The following XAGE5 variants were observed in gnomAD, a reference collection of about 807,000 sequenced individuals.
XAGE5 encodes the protein X antigen family member 5, also known as G antigen, family D, 5.
A neutral mutation model predicts 13.1 loss-of-function variants in XAGE5; 13 were observed. The ratio of observed to expected loss-of-function variants is 0.99; its 90% CI spans 0.64 to 1.57. XAGE5 has a LOEUF of 1.57. Ranked by LOEUF, XAGE5 falls within the 40% of genes most tolerant of loss-of-function variation. XAGE5 has a pLI of 0.00. For missense variants in XAGE5, 86 were observed against 77.6 expected, an observed-to-expected ratio of 1.11 and a Z score of -0.41; for synonymous variants, 17 against 25.0, an observed-to-expected ratio of 0.68 and a Z score of 0.96.
rs782541517 is a variant in XAGE5, at chrX:52,811,351, C to A, written c.-242C>A. Among the ~76,000 whole-genome samples, 2 of 111,816 alleles carry A rather than the reference C, an allele frequency of 1.8e-5. No homozygotes were observed. Among genetic ancestry groups the A allele is most frequent in the African/African-American group, 6.5e-5 (2 of 30,792 alleles). ...ACTTCGGGTCCCTGAGGTCTGGATTCTTTCTCCCCTACTGAGACGCAGCCA... is the reference window on the plus strand; with the variant it reads ...ACTTCGGGTCCCTGAGGTCTGGATTATTTCTCCCCTACTGAGACGCAGCCA... On this transcript the variant is annotated 5_prime_UTR_variant, in exon 1 of 6. Transcript: ENST00000375501.
At chrX:52,817,648 ACTGGTCTTT>A (rs1457624864) in intron 5 of XAGE5, among the ~76,000 whole-genome samples, 7 of 112,394 alleles carry the variant, frequency 6.2e-5, no homozygotes, top group Non-Finnish European at 1.1e-4. Context: ...CAAATGCAAT[ACTGGTCTTT>A]CTATTCATTC....
chrX:52,812,525 C>T, intron 2 of XAGE5, 34 bp from the exon 3 acceptor site: 1 of 1,179,920 alleles, frequency 8.5e-7, no homozygotes, highest in South Asian at 1.8e-5. Context: ...CCATCCCCCT[C>T]AGCCTCCCAA....
chrX:52,815,273 A>G, intron 5 of XAGE5, 56 bp downstream of exon 5: 1 of 1,110,594 alleles, frequency 9.0e-7, no homozygotes, highest in Non-Finnish European at 1.2e-6. Flanking sequence ...ACAATATTAT[A>G]CTTTTGATAA....
intron 4 of XAGE5, 118 bp from the exon 5 acceptor site, chrX:52,814,974 T>G: frequency 1.2e-6 from 1 of 849,821 alleles, no homozygotes; most frequent in Non-Finnish European, 1.7e-6. Context: ...AAACAAACAT[T>G]TATTACCACA....
intron 4 of XAGE5, chrX:52,814,811 T>C: frequency 3.9e-6 from 1 of 259,572 alleles, no homozygotes; most frequent in Non-Finnish European, 6.9e-6. Context: ...AAAATTACAT[T>C]TAAGTTATGA....
chrX:52,816,719 ACACTTCTGAAC>A (rs1926912390), intron 5 of XAGE5, among the ~76,000 whole-genome samples: 1 of 112,042 alleles, frequency 8.9e-6, no homozygotes, highest in Non-Finnish European at 1.9e-5. Flanking sequence ...GTTTTACTCC[ACACTTCTGAAC>A]CACTCCATTA....
chrX:52,816,597 C>T (rs782137979), intron 5 of XAGE5, among the ~76,000 whole-genome samples: 1 of 112,297 alleles, frequency 8.9e-6, no homozygotes, highest in South Asian at 3.7e-4. Flanking sequence ...CGTACTAAGT[C>T]CTGAGTAGTC....
At chrX:52,812,266 T>C (rs1926812043) in intron 2 of XAGE5, 4 of 253,670 alleles carry the variant, frequency 1.6e-5, no homozygotes, top group Non-Finnish European at 2.8e-5. Flanking sequence ...TTCTGGTTTT[T>C]GCTTTGGTTT....
intron 5 of XAGE5, 78 bp downstream of exon 5, chrX:52,815,295 A>G (rs1926885886): frequency 9.6e-7 from 1 of 1,044,208 alleles, no homozygotes; most frequent in Admixed American, 2.9e-5. Context: ...AAAAGGAGAG[A>G]ATATTACTGC....
chrX:52,815,043 T>TTA, intron 4 of XAGE5, 49 bp from the exon 5 acceptor site: 1 of 1,202,483 alleles, frequency 8.3e-7, no homozygotes, highest in Non-Finnish European at 1.1e-6. Flanking sequence ...ATCTCCTTAT[T>TTA]TATCATTCTG....
At chrX:52,815,974 C>T (rs1246398663) in intron 5 of XAGE5, among the ~76,000 whole-genome samples, 5 of 111,382 alleles carry the variant, frequency 4.5e-5, no homozygotes, top group South Asian at 3.8e-4. Flanking sequence ...TTTTTTCGGA[C>T]GAGGTCTCGC....
intron 3 of XAGE5, 93 bp downstream of exon 3, chrX:52,812,731 C>T (rs192190805): frequency 1.3e-6 from 1 of 799,430 alleles, no homozygotes; most frequent in Non-Finnish European, 1.8e-6. Context: ...TGATAAAGGT[C>T]TCCCATGTTG....
chrX:52,813,198 C>T lies in XAGE5; in HGVS notation c.131C>T (p.Thr44Ile). 1 of 1,210,859 alleles carries T rather than the reference C, an allele frequency of 8.3e-7. No homozygotes were observed. Among genetic ancestry groups the T allele is most frequent in the Non-Finnish European group, 1.1e-6 (1 of 895,083 alleles). ...CCACCAACTGAAAGTCAGGATCATA[C>T]ACCTGGTCAGAAGAGAGAAGATGAT... ...EEPPTESQDHTPGQKREDDQG... is the reference protein window; with the variant it reads ...EEPPTESQDHIPGQKREDDQG... Residue 44 changes from threonine to isoleucine, a missense_variant, in exon 4 of 6, where the codon ACA becomes ATA. Thr to Ile is a moderately conservative substitution (Grantham distance 89, BLOSUM62 -1). Transcript: ENST00000375501.
At chrX:52,811,460 G>A (rs960263836) in intron 1 of XAGE5, among the ~76,000 whole-genome samples, 48 bp downstream of exon 1, 2 of 111,585 alleles carry the variant, frequency 1.8e-5, no homozygotes, top group Non-Finnish European at 3.8e-5. Context: ...GGGTCGGGGC[G>A]CGTGATTGGT....
chrX:52,816,026 C>T (rs1164660431), intron 5 of XAGE5, among the ~76,000 whole-genome samples: 1 of 111,954 alleles, frequency 8.9e-6, no homozygotes, highest in Non-Finnish European at 1.9e-5. Context: ...TCACTGTGAC[C>T]TCCGCCTCCC....
rs1556777262 is a variant in XAGE5, at chrX:52,811,302, C to T, written c.-291C>T. On this transcript the variant is annotated 5_prime_UTR_variant, in exon 1 of 6. Transcript: ENST00000375501. ...TGGGCACCTTGCCATTGGCCCTTCG[C>T]CCACCCGGGAGCTGTGATCCTGCAC... Among the ~76,000 whole-genome samples, 1 of 111,499 alleles carries T rather than the reference C, an allele frequency of 9.0e-6. No homozygotes were observed. Among genetic ancestry groups the T allele is most frequent in the Non-Finnish European group, 1.9e-5 (1 of 53,002 alleles).
chrX:52,812,633 A>C lies in XAGE5; in HGVS notation c.67A>C (p.Met23Leu). 2.5e-6 allele frequency: 3 copies of C among 1,211,036 alleles called. No individual in the cohort carries two copies. The highest frequency in any genetic ancestry group is 3.4e-6 in the Non-Finnish European group (3 of 895,147). ...ACGACTTGCTCAGCTGGTTGGGCCT[A>C]TGCTTGTGAGTGACTTCACATTCGA... The part of the protein sequence containing the change: ...CLRLAQLVGP[M>L]LEPSVPEPQQ... Residue 23 changes from methionine to leucine, a missense_variant, in exon 3 of 6, where the codon ATG (methionine) becomes CTG (leucine). Met to Leu is a conservative substitution (Grantham distance 15). Transcript: ENST00000375501.
chrX:52,815,424 TGA>T (rs1926888557), intron 5 of XAGE5, among the ~76,000 whole-genome samples: 2 of 112,442 alleles, frequency 1.8e-5, no homozygotes, highest in South Asian at 7.3e-4. Flanking sequence ...AAAGCCATAT[TGA>T]ACCATCAAAT....
At chrX:52,814,158 G>A (rs782736715) in intron 4 of XAGE5, 1 of 311,071 alleles carries the variant, frequency 3.2e-6, no homozygotes. Context: ...GCTTAAAAAT[G>A]CTTAATACTC....
Sources: gnomAD v4.1 joint callset for allele counts (sites outside exome capture counted in the v4.1 genomes callset) on GRCh38, gnomAD v4.1.1 for gene constraint, MANE v1.5 for transcripts, NCBI Gene and HGNC (gene_info 2026-07-23, HGNC 2026-07-21) for gene names.